The following ESR1 variants were observed in gnomAD, a reference collection of about 807,000 sequenced individuals.
ESR1 encodes estrogen receptor.
A neutral mutation model predicts 52.7 loss-of-function variants in ESR1; 12 were observed. The ratio of observed to expected loss-of-function variants is 0.23; its 90% CI spans 0.15 to 0.37. The LOEUF is 0.37. Among genes scored for constraint, ESR1 ranks in the 10% least tolerant of loss-of-function variants. ESR1 has a pLI of 1.00. For missense variants in ESR1, 584 were observed against 779.7 expected, an observed-to-expected ratio of 0.75 and a Z score of 2.99; for synonymous variants, 305 against 316.8, an observed-to-expected ratio of 0.96 and a Z score of 0.39.
intron 4 of ESR1, among the ~76,000 whole-genome samples, chr6:151,945,651 G>C (rs116891452): frequency 1.3e-5 from 2 of 152,302 alleles, no homozygotes; most frequent in East Asian, 3.9e-4. Flanking sequence ...GATTTAGTTG[G>C]AGGTTTTCTC....
chr6:151,951,376 G>A (rs1461043170), intron 4 of ESR1, among the ~76,000 whole-genome samples: 2 of 152,156 alleles, frequency 1.3e-5, no homozygotes, highest in Non-Finnish European at 2.9e-5. Context: ...AAAGTAGGGG[G>A]AAAGATATGA....
intron 2 of ESR1, among the ~76,000 whole-genome samples, chr6:151,704,658 A>G (rs1000106934): frequency 2.0e-5 from 3 of 152,170 alleles, no homozygotes; most frequent in Admixed American, 1.3e-4. Context: ...TTGCAGAATG[A>G]CAGTTGTGAT....
chr6:151,730,081 C>T (rs977278915), intron 2 of ESR1, among the ~76,000 whole-genome samples: 1 of 152,130 alleles, frequency 6.6e-6, no homozygotes, highest in Non-Finnish European at 1.5e-5. Context: ...TCCCACTGGC[C>T]CATTTCCGGG....
At chr6:151,673,120 C>T (rs79282324) in intron 1 of ESR1, among the ~76,000 whole-genome samples, 2,223 of 152,198 alleles carry the variant, frequency 0.015, 26 homozygotes, top group Non-Finnish European at 0.022. Context: ...GCCACGGCGC[C>T]CGGCTTCATG....
intron 5 of ESR1, among the ~76,000 whole-genome samples, chr6:152,043,568 G>C (rs1037631637): frequency 2.8e-4 from 42 of 152,302 alleles, no homozygotes; most frequent in African/African-American, 9.1e-4. Context: ...TGGGTCCTTA[G>C]GAGAATCAAC....
chr6:151,952,692 G>C (rs1303343278), intron 4 of ESR1, among the ~76,000 whole-genome samples: 3 of 152,052 alleles, frequency 2.0e-5, no homozygotes, highest in Admixed American at 2.0e-4. Context: ...TTTCCTTCAT[G>C]GTATATTTGT....
intron 3 of ESR1, among the ~76,000 whole-genome samples, chr6:151,942,014 A>G (rs1562574276): frequency 6.6e-6 from 1 of 152,146 alleles, no homozygotes; most frequent in Non-Finnish European, 1.5e-5. Context: ...TTGTTACTCT[A>G]ACTTGAGTAG....
intron 5 of ESR1, among the ~76,000 whole-genome samples, chr6:152,041,185 T>C (rs2045764207): frequency 6.6e-6 from 1 of 152,168 alleles, no homozygotes; most frequent in African/African-American, 2.4e-5. Context: ...GATTGACCTA[T>C]AGGGGCCTGC....
At chr6:151,682,381 G>T (rs1778495590) in intron 1 of ESR1, among the ~76,000 whole-genome samples, 1 of 152,188 alleles carries the variant, frequency 6.6e-6, no homozygotes, top group Non-Finnish European at 1.5e-5. Flanking sequence ...TCTCCCTGGA[G>T]GGAGTTTCAT....
chr6:152,033,035 T>G (rs918515395), intron 5 of ESR1, among the ~76,000 whole-genome samples: 1 of 152,228 alleles, frequency 6.6e-6, no homozygotes, highest in South Asian at 2.1e-4. Flanking sequence ...AAACAAGAAA[T>G]GGGGAAAGGA....
chr6:151,966,008 G>C (rs63741360), intron 4 of ESR1, among the ~76,000 whole-genome samples: 122,106 of 151,492 alleles, frequency 0.81, 49,512 homozygotes, highest in Middle Eastern at 0.9. Context: ...CTCAGCAGTT[G>C]CTTTGCTGTG....
chr6:151,825,087 T>C (rs1781264952), intron 1 of ESR1, among the ~76,000 whole-genome samples: 2 of 152,136 alleles, frequency 1.3e-5, no homozygotes, highest in South Asian at 4.1e-4. Flanking sequence ...TTCAGAGAAA[T>C]AAATCTCTGA....
intron 2 of ESR1, among the ~76,000 whole-genome samples, chr6:151,721,209 G>T (rs1236370511): frequency 6.6e-6 from 1 of 152,200 alleles, no homozygotes; most frequent in Non-Finnish European, 1.5e-5. Context: ...AATGCAACAT[G>T]TTGGAGGTGA....
At chr6:151,857,182 A>G (rs1172399480) in intron 2 of ESR1, among the ~76,000 whole-genome samples, 1 of 152,124 alleles carries the variant, frequency 6.6e-6, no homozygotes, top group Non-Finnish European at 1.5e-5. Flanking sequence ...TTGGAAAAAA[A>G]TGGATGGTAG....
intron 6 of ESR1, among the ~76,000 whole-genome samples, chr6:152,067,966 A>G (rs1375518146): frequency 6.6e-6 from 1 of 152,256 alleles, no homozygotes; most frequent in Non-Finnish European, 1.5e-5. Context: ...CCAAATATAA[A>G]CTGCAAATGT....
At chr6:151,990,888 T>G (rs993457299) in intron 4 of ESR1, among the ~76,000 whole-genome samples, 3 of 152,210 alleles carry the variant, frequency 2.0e-5, no homozygotes, top group African/African-American at 7.2e-5. Flanking sequence ...CTACATATTA[T>G]ATATATGGGA....
chr6:151,973,023 A>AT (rs1376871421), intron 4 of ESR1, among the ~76,000 whole-genome samples: 1 of 152,158 alleles, frequency 6.6e-6, no homozygotes, highest in Non-Finnish European at 1.5e-5. Context: ...CTGGCAGCTG[A>AT]TTAGATGGTG....
intron 1 of ESR1, among the ~76,000 whole-genome samples, chr6:151,660,851 C>T (rs1047419126): frequency 6.6e-6 from 1 of 152,140 alleles, no homozygotes. Context: ...TAGGACAGTG[C>T]TTTTAAACCT....
intron 2 of ESR1, among the ~76,000 whole-genome samples, chr6:151,748,416 C>A (rs189496203): frequency 6.6e-6 from 1 of 152,280 alleles, no homozygotes; most frequent in East Asian, 1.9e-4. Context: ...AACAGGTTGA[C>A]CTGCCTCATT....
Sources: gnomAD v4.1 joint callset for allele counts (sites outside exome capture counted in the v4.1 genomes callset) on GRCh38, gnomAD v4.1.1 for gene constraint, MANE v1.5 for transcripts, NCBI Gene and HGNC (gene_info 2026-07-23, HGNC 2026-07-21) for gene names.